Variants in SLC24A2 observed in about 807,000 individuals in gnomAD.
SLC24A2 encodes solute carrier family 24 member 2, also known as sodium/potassium/calcium exchanger 2.
Under a neutral mutation model 62.0 loss-of-function variants are expected in SLC24A2, and 36 were observed. That is an observed-to-expected ratio of 0.58 (90% CI 0.44 to 0.77). The LOEUF (loss-of-function observed/expected upper bound fraction) is 0.77. Among genes scored for constraint, SLC24A2 ranks in the 30% least tolerant of loss-of-function variants. SLC24A2 has a pLI of 0.00. For missense variants in SLC24A2, 846 were observed against 817.9 expected (o/e 1.03, Z -0.42); for synonymous variants, 358 against 294.0 (o/e 1.22, Z -2.23).
At chr9:19,553,903 A>G (rs1286400176) in intron 7 of SLC24A2, among the ~76,000 whole-genome samples, 1 of 152,182 alleles carries the variant, frequency 6.6e-6, no homozygotes, top group Admixed American at 6.5e-5. Context: ...TCCCGTATCT[A>G]TTCTGCCTAT....
chr9:19,883,489 G>A, the SLC24A2 span, among the ~76,000 whole-genome samples: 1 of 152,098 alleles, frequency 6.6e-6, no homozygotes, highest in East Asian at 1.9e-4. Flanking sequence ...TAATTTATCT[G>A]CAAACCATGT....
the SLC24A2 span, among the ~76,000 whole-genome samples, chr9:20,081,184 T>C: frequency 6.6e-6 from 1 of 152,012 alleles, no homozygotes; most frequent in Non-Finnish European, 1.5e-5. Flanking sequence ...CACACGTATG[T>C]TTATTGCGGC....
At chr9:20,089,331 A>C in the SLC24A2 span, among the ~76,000 whole-genome samples, 3 of 152,076 alleles carry the variant, frequency 2.0e-5, no homozygotes, top group Non-Finnish European at 4.4e-5. Context: ...ACTCCAGCAC[A>C]ACCACTCTGC....
intron 5 of SLC24A2, among the ~76,000 whole-genome samples, chr9:19,577,561 G>C (rs1333881597): frequency 1.3e-5 from 2 of 152,270 alleles, no homozygotes; most frequent in Middle Eastern, 3.4e-3. Context: ...TAACATTGCT[G>C]TTTCTAAACG....
chr9:19,866,397 C>G, the SLC24A2 span, among the ~76,000 whole-genome samples: 1 of 152,188 alleles, frequency 6.6e-6, no homozygotes, highest in Non-Finnish European at 1.5e-5. Context: ...TATATTTGCA[C>G]TCCCATGTTT....
the SLC24A2 span, among the ~76,000 whole-genome samples, chr9:19,908,371 C>T: frequency 6.6e-6 from 1 of 152,038 alleles, no homozygotes. Context: ...AGACCTAAAA[C>T]CATAAAAACC....
At chr9:20,282,569 C>T in the SLC24A2 span, among the ~76,000 whole-genome samples, 1 of 152,196 alleles carries the variant, frequency 6.6e-6, no homozygotes, top group African/African-American at 2.4e-5. Flanking sequence ...CTGACAGATG[C>T]CAGCAGCAAC....
chr9:20,171,818 T>A, the SLC24A2 span, among the ~76,000 whole-genome samples: 1 of 151,764 alleles, frequency 6.6e-6, no homozygotes, highest in Non-Finnish European at 1.5e-5. Context: ...AGACAGAAAG[T>A]CAACAAAGAA....
intron 7 of SLC24A2, among the ~76,000 whole-genome samples, chr9:19,553,585 T>G (rs898845340): frequency 3.9e-5 from 6 of 152,204 alleles, no homozygotes; most frequent in African/African-American, 1.4e-4. Context: ...GGTGGTGGTG[T>G]GTTGGTTGTC....
chr9:19,796,365 G>A, the SLC24A2 span, among the ~76,000 whole-genome samples: 1 of 152,030 alleles, frequency 6.6e-6, no homozygotes, highest in Non-Finnish European at 1.5e-5. Flanking sequence ...AAACATGTCA[G>A]TTGAACTTCC....
chr9:19,886,013 G>T, the SLC24A2 span, among the ~76,000 whole-genome samples: 1 of 152,136 alleles, frequency 6.6e-6, no homozygotes, highest in South Asian at 2.1e-4. Flanking sequence ...GGGCATTTAG[G>T]TTGATTCCAT....
Position 19,636,315 on chromosome 9 carries a change from T to TTTTCTTTTCTTTTCCTTTCTTTC in SLC24A2, c.931-14017_931-14016insGAAAGAAAGGAAAAGAAAAGAAA. Among the ~76,000 whole-genome samples, 50 of 40,316 alleles carry TTTTCTTTTCTTTTCCTTTCTTTC rather than the reference T, an allele frequency of 1.2e-3. 2 individuals are homozygous for TTTTCTTTTCTTTTCCTTTCTTTC. Among genetic ancestry groups the TTTTCTTTTCTTTTCCTTTCTTTC allele is most frequent in the Admixed American group, 2.2e-3 (8 of 3,672 alleles). The allele number at this position is 40,316 out of a possible 152,430, so 26.4% of individuals were successfully genotyped here. A position where few individuals can be genotyped will look rare whatever the true frequency, so the allele number is the denominator to read the frequency against. ...TTTTCTTTTCTTTTCTTTTCTTTTC[T>TTTTCTTTTCTTTTCCTTTCTTTC]TTTCTTTCTTTCTTTCTTTCTTTCT... On this transcript the variant is annotated intron_variant, in intron 2 of 10. Coordinates refer to ENST00000341998, the MANE Select transcript of SLC24A2 (RefSeq NM_020344.4).
At chr9:20,020,201 C>A in the SLC24A2 span, among the ~76,000 whole-genome samples, 10 of 152,256 alleles carry the variant, frequency 6.6e-5, no homozygotes, top group South Asian at 4.1e-4. Flanking sequence ...TACCATTTGA[C>A]CCAGCCATCC....
At chr9:19,549,921 G>C (rs1225108245) in intron 8 of SLC24A2, among the ~76,000 whole-genome samples, 1 of 152,204 alleles carries the variant, frequency 6.6e-6, no homozygotes, top group Non-Finnish European at 1.5e-5. Context: ...TGTCTGCTCA[G>C]AGAAATCTGT....
chr9:20,251,298 C>G, the SLC24A2 span, among the ~76,000 whole-genome samples: 1 of 142,808 alleles, frequency 7.0e-6, no homozygotes, highest in East Asian at 2.4e-4. Context: ...TTATCCCCTT[C>G]TTAGTATCCT....
chr9:19,876,588 T>C, the SLC24A2 span, among the ~76,000 whole-genome samples: 2 of 152,192 alleles, frequency 1.3e-5, no homozygotes, highest in South Asian at 4.1e-4. Context: ...TGATGATGTC[T>C]CCAATTTATA....
At chr9:19,722,141 G>A (rs1821044079) in intron 2 of SLC24A2, among the ~76,000 whole-genome samples, 1 of 152,086 alleles carries the variant, frequency 6.6e-6, no homozygotes, top group African/African-American at 2.4e-5. Flanking sequence ...GGAAATTACA[G>A]AGAAGAGTAT....
chr9:20,179,597 G>C, the SLC24A2 span, among the ~76,000 whole-genome samples: 1 of 152,128 alleles, frequency 6.6e-6, no homozygotes, highest in Non-Finnish European at 1.5e-5. Context: ...TCTGTGCACA[G>C]ATGTCTTCCC....
Position 19,788,869 on chromosome 9 carries a change from A to C in SLC24A2, c.-154+16T>G, listed in dbSNP as rs1823259247. ...GCGGCTACAGCGGCAGGCGGGGCGCAGCCGCCCGCACTTACCAGGATAAGA... is the reference window on the plus strand; with the variant it reads ...GCGGCTACAGCGGCAGGCGGGGCGCCGCCGCCCGCACTTACCAGGATAAGA... On this transcript the variant is annotated intron_variant, in intron 1 of 10. Coordinates refer to ENST00000341998, the MANE Select transcript of SLC24A2 (RefSeq NM_020344.4). 1.0e-6 allele frequency: 1 copy of C among 985,392 alleles called. No individual in the cohort carries two copies. Among genetic ancestry groups the C allele is most frequent in the South Asian group, 4.7e-5 (1 of 21,292 alleles). 61.0% of individuals were successfully genotyped at this position (985,392 alleles called of 1,614,324 possible). A position where few individuals can be genotyped will look rare whatever the true frequency, so the allele number is the denominator to read the frequency against.
Sources: allele counts gnomAD v4.1 joint callset (sites outside exome capture counted in the v4.1 genomes callset), GRCh38; gene constraint gnomAD v4.1.1; transcripts MANE v1.5; gene names NCBI Gene and HGNC (gene_info 2026-07-23, HGNC 2026-07-21).